SCP2: variants seen among roughly 807,000 people sequenced by gnomAD.
SCP2 encodes sterol carrier protein 2.
SCP2 carries 48 observed loss-of-function variants against 71.4 expected under a neutral mutation model. The observed-to-expected ratio is 0.67, with a 90% CI of 0.53 to 0.86. The LOEUF (loss-of-function observed/expected upper bound fraction) is 0.86, where lower values mean the gene tolerates loss of function less well. Among genes scored for constraint, SCP2 ranks in the 40% least tolerant of loss-of-function variants. The probability of loss-of-function intolerance (pLI) is 0.00; values close to 1 mark genes in which losing one functional copy is unlikely to be tolerated. For missense variants in SCP2, 560 were observed against 655.6 expected (o/e 0.85, Z 1.59); for synonymous variants, 220 against 218.1 (o/e 1.01, Z -0.08).
chr1:52,955,698 C>T (rs1259970018), intron 5 of SCP2, among the ~76,000 whole-genome samples: 1 of 152,088 alleles, frequency 6.6e-6, no homozygotes, highest in African/African-American at 2.4e-5. Context: ...GACAAATTTT[C>T]TTCTGGAGGA....
intron 3 of SCP2, among the ~76,000 whole-genome samples, chr1:52,949,986 T>G (rs994191765): frequency 6.6e-6 from 1 of 152,236 alleles, no homozygotes; most frequent in African/African-American, 2.4e-5. Context: ...CATGTGTATT[T>G]AACATGGATC....
intron 1 of SCP2, among the ~76,000 whole-genome samples, chr1:52,936,942 T>G (rs1653797666): frequency 1.3e-5 from 2 of 151,452 alleles, no homozygotes; most frequent in Admixed American, 6.6e-5. Context: ...CATTTAACTC[T>G]AGAAAAAAAA....
intron 12 of SCP2, among the ~76,000 whole-genome samples, chr1:53,016,211 C>A (rs568351247): frequency 6.6e-6 from 1 of 152,248 alleles, no homozygotes; most frequent in African/African-American, 2.4e-5. Flanking sequence ...AATATAATTT[C>A]TGTTGTAAAA....
intron 11 of SCP2, among the ~76,000 whole-genome samples, chr1:52,992,324 A>G (rs1376122930): frequency 6.6e-6 from 1 of 152,188 alleles, no homozygotes; most frequent in Non-Finnish European, 1.5e-5. Context: ...TAAGAAAATA[A>G]TGTATAAAAG....
At chr1:52,932,038 A>G (rs1653201653) in intron 1 of SCP2, among the ~76,000 whole-genome samples, 1 of 152,184 alleles carries the variant, frequency 6.6e-6, no homozygotes, top group South Asian at 2.1e-4. Context: ...AAATCTGGAC[A>G]ATGGAGCAAG....
chr1:52,941,831 C>A lies in SCP2; in HGVS notation c.105C>A (p.Tyr35Ter). 2 of 1,607,348 alleles carry A rather than the reference C, an allele frequency of 1.2e-6. No homozygotes were observed. The highest frequency in any genetic ancestry group is 8.5e-7 in the Non-Finnish European group (1 of 1,173,828). ...CTGGAGCTGAGAATTCAAGAGACTACCCTGACTTGGCAGAAGAAGCAGGTA... is the reference window on the plus strand; with the variant it reads ...CTGGAGCTGAGAATTCAAGAGACTAACCTGACTTGGCAGAAGAAGCAGGTA... ...VKPGAENSRD[Y>*]PDLAEEAGKK... The change falls in exon 2 of 16, where the codon TAC (tyrosine) becomes TAA (stop). Residue 35 changes from tyrosine (Y) to a stop codon, truncating the protein, a stop_gained. Transcript: ENST00000371514. LOFTEE classifies it high-confidence loss of function.
intron 4 of SCP2, among the ~76,000 whole-genome samples, chr1:52,952,021 A>G (rs1045794316): frequency 6.6e-6 from 1 of 152,102 alleles, no homozygotes; most frequent in Non-Finnish European, 1.5e-5. Flanking sequence ...GTGAGGTGTG[A>G]GGCTTACCTT....
intron 12 of SCP2, among the ~76,000 whole-genome samples, chr1:53,017,191 G>T (rs1409900436): frequency 1.3e-5 from 2 of 151,908 alleles, no homozygotes; most frequent in East Asian, 3.9e-4. Flanking sequence ...ACTTTGTTTT[G>T]TATTTCTTTT....
intron 8 of SCP2, among the ~76,000 whole-genome samples, chr1:52,977,237 A>G (rs1420945079): frequency 6.6e-6 from 1 of 152,146 alleles, no homozygotes; most frequent in African/African-American, 2.4e-5. Context: ...TTGAGTGAGT[A>G]CTGCTTAGCT....
chr1:52,941,639 C>A (rs2150110879), intron 1 of SCP2, among the ~76,000 whole-genome samples, 157 bp from the exon 2 acceptor site: 1 of 151,618 alleles, frequency 6.6e-6, no homozygotes, highest in East Asian at 1.9e-4. Context: ...GGTGGCTGAG[C>A]CAGGAGAATG....
At chr1:52,970,929 T>A (rs1657414775) in intron 6 of SCP2, among the ~76,000 whole-genome samples, 1 of 151,558 alleles carries the variant, frequency 6.6e-6, no homozygotes, top group South Asian at 2.1e-4. Context: ...TTTTTTCTGG[T>A]TATTCTGTAT....
intron 10 of SCP2, among the ~76,000 whole-genome samples, chr1:52,981,097 A>G (rs1057263786): frequency 3.0e-4 from 45 of 152,152 alleles, no homozygotes; most frequent in African/African-American, 1.0e-3. Flanking sequence ...ACGCCCGGCT[A>G]ATTTTTGTAT....
intron 11 of SCP2, among the ~76,000 whole-genome samples, chr1:53,013,138 G>T (rs1312779020): frequency 7.0e-6 from 1 of 141,872 alleles, no homozygotes; most frequent in Admixed American, 7.1e-5. Flanking sequence ...TTGAGACAGG[G>T]TCTCCCCCTA....
intron 10 of SCP2, among the ~76,000 whole-genome samples, chr1:52,987,556 G>C (rs1244267606): frequency 1.3e-5 from 2 of 152,060 alleles, no homozygotes; most frequent in African/African-American, 4.8e-5. Flanking sequence ...TACTTTTGTG[G>C]CTCAACAGTG....
intron 11 of SCP2, among the ~76,000 whole-genome samples, chr1:53,004,420 C>T (rs1660500791): frequency 6.6e-6 from 1 of 152,120 alleles, no homozygotes; most frequent in Non-Finnish European, 1.5e-5. Context: ...TCCCCTGTGA[C>T]CTGCACGTAT....
In SCP2 at chr1:53,021,897, G is replaced by A. The variant is rs1310246812; in HGVS notation, c.1236-6072G>A. Among the ~76,000 whole-genome samples, 8 of 151,840 alleles carry A rather than the reference G, an allele frequency of 5.3e-5. No individual in the cohort carries two copies. In the East Asian group the frequency reaches 1.5e-3, roughly 29 times the overall value. ...TGGCCTCATGTGATCCACCTGCCTT[G>A]GACTCCCAAAGTGCTGGGATTACAG... On this transcript the variant is annotated intron_variant, in intron 12 of 15. Transcript: ENST00000371514.
At chr1:52,951,173 C>G (rs1397688107) in intron 4 of SCP2, among the ~76,000 whole-genome samples, 1 of 151,744 alleles carries the variant, frequency 6.6e-6, no homozygotes, top group Non-Finnish European at 1.5e-5. Context: ...TCCCAGCTAT[C>G]TGGGAGGCTG....
intron 1 of SCP2, among the ~76,000 whole-genome samples, chr1:52,935,764 C>A (rs546623876): frequency 6.6e-6 from 1 of 151,778 alleles, no homozygotes; most frequent in East Asian, 1.9e-4. Context: ...ATGGCAAGAC[C>A]CCGTCTCTAC....
intron 6 of SCP2, among the ~76,000 whole-genome samples, chr1:52,966,723 A>C (rs973076708): frequency 4.1e-4 from 61 of 150,464 alleles, no homozygotes; most frequent in Non-Finnish European, 8.3e-4. Context: ...ATTTCTACTA[A>C]AGATACAAAA....
Sources: allele counts gnomAD v4.1 joint callset (sites outside exome capture counted in the v4.1 genomes callset), GRCh38; gene constraint gnomAD v4.1.1; transcripts MANE v1.5; gene names NCBI Gene and HGNC (gene_info 2026-07-23, HGNC 2026-07-21).